The following TUBGCP3 variants were observed in gnomAD, a reference collection of about 807,000 sequenced individuals.
The protein encoded by TUBGCP3 is tubulin gamma complex component 3.
TUBGCP3 carries 50 observed loss-of-function variants against 123.1 expected under a neutral mutation model. That is an observed-to-expected ratio of 0.41 (90% confidence interval 0.32 to 0.51). The LOEUF is 0.51. Ranked by LOEUF, TUBGCP3 falls within the 20% of genes least tolerant of loss-of-function variation. The pLI is 0.36. For synonymous variants in TUBGCP3, 405 were observed against 413.9 expected (o/e 0.98, Z 0.26); for missense variants, 882 against 1,127.0 (o/e 0.78, Z 3.11).
intron 8 of TUBGCP3, among the ~76,000 whole-genome samples, chr13:112,550,103 C>T (rs986463105): frequency 5.3e-5 from 8 of 151,802 alleles, no homozygotes; most frequent in African/African-American, 1.9e-4. Flanking sequence ...GTGGCAAGAG[C>T]CTTCAGGGAT....
Position 112,545,752 on chromosome 13 carries a change from T to C in TUBGCP3, c.1282A>G (p.Ser428Gly). The C allele has an allele frequency of 6.2e-7, 1 of 1,614,114 alleles. No individual in the cohort carries two copies. Among genetic ancestry groups the C allele is most frequent in the Non-Finnish European group, 8.5e-7 (1 of 1,180,020 alleles). ...ILSLVSHPVL[S>G]FLYRWIYDGE... Reference sequence around the variant, plus strand: ...TCATATATCCAGCGGTACAGGAAGCTCAAAACAGGATGAGACACGAGGCTG... The same window carrying C: ...TCATATATCCAGCGGTACAGGAAGCCCAAAACAGGATGAGACACGAGGCTG... Residue 428 changes from serine to glycine, a missense_variant, in exon 11 of 22, where the codon AGC (serine) becomes GGC (glycine). Physicochemically the swap from Ser to Gly is moderately conservative, Grantham distance 56 (BLOSUM62 0). This residue lies in a region of TUBGCP3 where 713 missense variants were observed against 874.0 expected (regional missense o/e 0.82). Transcript: ENST00000261965. The surrounding 1 kb of genome is among the most constrained non-coding windows in gnomAD (Gnocchi z 4.1).
chr13:112,571,073 C>T (rs1194237465), intron 1 of TUBGCP3, among the ~76,000 whole-genome samples: 1 of 152,190 alleles, frequency 6.6e-6, no homozygotes, highest in Non-Finnish European at 1.5e-5. Context: ...CTTGAACCCT[C>T]AAAGTCATCC....
At chr13:112,526,844 C>A (rs746015421) in intron 13 of TUBGCP3, 98 bp downstream of exon 13, 2 of 863,456 alleles carry the variant, frequency 2.3e-6, no homozygotes, top group East Asian at 5.0e-5. Flanking sequence ...ACAATCACTA[C>A]GTCATCAACA....
chr13:112,532,215 AC>A (rs1267523714), intron 11 of TUBGCP3, among the ~76,000 whole-genome samples: 1 of 152,254 alleles, frequency 6.6e-6, no homozygotes, highest in Non-Finnish European at 1.5e-5. Flanking sequence ...AGGATAATTT[AC>A]AGGGTAAACT....
Position 112,554,174 on chromosome 13 carries a change from T to A in TUBGCP3, c.849A>T (p.Leu283=). The change falls in exon 8 of 22, where the codon CTA becomes CTT. Residue 283 remains leucine, a synonymous_variant. Transcript: ENST00000261965. ...NCYKVEGKAN[L]SRSLRDTAVR... ...CTGCTGTGTCTCTCAAAGACCTACTTAGATTTGCCTAAAAAGTAAATACAT... is the reference window on the plus strand; with the variant it reads ...CTGCTGTGTCTCTCAAAGACCTACTAAGATTTGCCTAAAAAGTAAATACAT... 6.2e-7 allele frequency: 1 copy of A among 1,613,428 alleles called. No homozygotes were observed. Among genetic ancestry groups the A allele is most frequent in the Admixed American group, 1.7e-5 (1 of 59,810 alleles).
At chr13:112,559,534 C>CAT (rs1177619473) in intron 3 of TUBGCP3, 135 bp from the exon 4 acceptor site, 1 of 731,958 alleles carries the variant, frequency 1.4e-6, no homozygotes, top group Non-Finnish European at 2.1e-6. Context: ...TCTAACAATT[C>CAT]ATAAGTATTT....
rs73566355 is a variant in TUBGCP3, at chr13:112,518,563, C to T, written c.1950+412G>A. Among the ~76,000 whole-genome samples the T allele has an allele frequency of 6.5e-3, 994 of 152,324 alleles. 7 individuals are homozygous for T. Among genetic ancestry groups the T allele is most frequent in the African/African-American group, 0.023 (960 of 41,562 alleles). On this transcript the variant is annotated intron_variant, in intron 16 of 21. Transcript: ENST00000261965. ...AAGCACTATGAACAAAGTACAGCTG[C>T]TTCCTCATCGGTTTAAATGAATACT... is the stretch of plus-strand genomic sequence containing the variant.
chr13:112,507,486 C>T (rs1194525675), intron 17 of TUBGCP3, among the ~76,000 whole-genome samples: 4 of 152,206 alleles, frequency 2.6e-5, no homozygotes, highest in Admixed American at 6.5e-5. Context: ...CCTAAAAATG[C>T]GAAGCAGGCT....
chr13:112,512,791 C>G (rs1881760248), intron 17 of TUBGCP3, among the ~76,000 whole-genome samples: 1 of 152,126 alleles, frequency 6.6e-6, no homozygotes, highest in Non-Finnish European at 1.5e-5. Flanking sequence ...ACTTCAGGGA[C>G]CATTTCAGAG....
chr13:112,524,778 A>G lies in TUBGCP3; in HGVS notation c.1555+2164T>C, dbSNP rs1876912952. 6.6e-6 allele frequency among the ~76,000 whole-genome samples: 1 copy of G among 152,170 alleles called. No individual in the cohort carries two copies. The highest frequency in any genetic ancestry group is 1.5e-5 in the Non-Finnish European group (1 of 68,028). ...TTGTCCTGAGTTACCATGGTGAGAT[A>G]AGTGCTTCCAAAATCTCTATATTCG... On this transcript the variant is annotated intron_variant, in intron 13 of 21. Coordinates refer to ENST00000261965, the MANE Select transcript of TUBGCP3 (RefSeq NM_006322.6). This position sits in a 1 kb window ranked among gnomAD's most constrained non-coding sequence, Gnocchi z 4.4.
intron 11 of TUBGCP3, among the ~76,000 whole-genome samples, chr13:112,533,249 C>T (rs1158377871): frequency 6.6e-6 from 1 of 152,216 alleles, no homozygotes; most frequent in Non-Finnish European, 1.5e-5. Context: ...GGAGACGCAC[C>T]GCGTCACCAT....
intron 11 of TUBGCP3, among the ~76,000 whole-genome samples, chr13:112,541,677 T>C (rs1395564409): frequency 6.6e-6 from 1 of 152,094 alleles, no homozygotes; most frequent in Non-Finnish European, 1.5e-5. Context: ...AATTACAAAT[T>C]AGGTACTAAA....
chr13:112,590,480 C>T (rs763143644), upstream of TUBGCP3, among the ~76,000 whole-genome samples: 5 of 151,872 alleles, frequency 3.3e-5, no homozygotes, highest in Admixed American at 2.0e-4. Flanking sequence ...AAGGCCCTTT[C>T]GAGGTATGGC....
chr13:112,598,664 G>A, the TUBGCP3 span, among the ~76,000 whole-genome samples: 4 of 152,126 alleles, frequency 2.6e-5, no homozygotes, highest in African/African-American at 9.7e-5. Context: ...GTAAATTATC[G>A]CCGGGTACGG....
Position 112,486,160 on chromosome 13 carries a change from A to G in TUBGCP3, c.2566-9T>C. 1.2e-6 allele frequency: 2 copies of G among 1,607,828 alleles called. No homozygotes were observed. The highest frequency in any genetic ancestry group is 1.7e-6 in the Non-Finnish European group (2 of 1,177,666). ...AACTGCTGCACGATACCCTAAAAAG[A>G]AGCAAAAGGAGTAAAATATTGTTTC... On this transcript the variant is annotated splice_polypyrimidine_tract_variant and intron_variant, in intron 21 of 21. Coordinates refer to ENST00000261965, the MANE Select transcript of TUBGCP3 (RefSeq NM_006322.6).
chr13:112,547,747 T>C lies in TUBGCP3; in HGVS notation c.1041A>G (p.Gln347=), dbSNP rs753858606. The change falls in exon 10 of 22, where the codon CAA becomes CAG. Residue 347 remains glutamine, a synonymous_variant. Coordinates refer to ENST00000261965, the MANE Select transcript of TUBGCP3 (RefSeq NM_006322.6). ...AATTCACACCCTGGTCATCCTCTAG[T>C]TGTAGCTAAAAAACAATAAAGATAG... ...RLLSVLHSQL[Q]LEDDQGVNLG... 2.0e-6 allele frequency: 3 copies of C among 1,483,500 alleles called. No homozygotes were observed. Among genetic ancestry groups the C allele is most frequent in the Admixed American group, 2.4e-5 (1 of 41,962 alleles). The allele number at this position is 1,483,500 out of a possible 1,614,324, so 91.9% of individuals were successfully genotyped here.
intron 21 of TUBGCP3, among the ~76,000 whole-genome samples, chr13:112,488,296 A>G (rs568413888): frequency 2.6e-5 from 4 of 152,138 alleles, no homozygotes; most frequent in Non-Finnish European, 4.4e-5. Context: ...ATTAGTGATC[A>G]GCGACTGAAC....
At chr13:112,590,222 C>T (rs1266719039), upstream of TUBGCP3, among the ~76,000 whole-genome samples, 2 of 152,070 alleles carry the variant, frequency 1.3e-5, no homozygotes, top group South Asian at 2.1e-4. Flanking sequence ...GTGATGTGCC[C>T]GCCTCGGCCT....
chr13:112,559,808 G>A (rs1038637446), intron 3 of TUBGCP3, among the ~76,000 whole-genome samples: 1 of 152,200 alleles, frequency 6.6e-6, no homozygotes, highest in African/African-American at 2.4e-5. Flanking sequence ...ACAAGCACAA[G>A]TTAGTCTCAG....
Sources: allele counts gnomAD v4.1 joint callset (sites outside exome capture counted in the v4.1 genomes callset), GRCh38; gene constraint gnomAD v4.1.1; regional missense constraint gnomAD v4.1.1; non-coding constraint Gnocchi (gnomAD v3.1); transcripts MANE v1.5; gene names NCBI Gene and HGNC (gene_info 2026-07-23, HGNC 2026-07-21).